GLIS1: variants seen among roughly 807,000 people sequenced by gnomAD.
The protein encoded by GLIS1 is GLIS family zinc finger 1.
In GLIS1, 24 loss-of-function variants were observed where a neutral mutation model predicts 63.8. That is an observed-to-expected ratio of 0.38 (90% CI 0.27 to 0.53). GLIS1 has a LOEUF of 0.53. Among genes scored for constraint, GLIS1 ranks in the 20% least tolerant of loss-of-function variants. The pLI, the probability that GLIS1 is intolerant of heterozygous loss-of-function variation, is 0.85. For missense variants in GLIS1, 1,036 were observed against 1,074.1 expected (o/e 0.96, Z 0.50); for synonymous variants, 450 against 482.5 (o/e 0.93, Z 0.88).
intron 4 of GLIS1, among the ~76,000 whole-genome samples, chr1:53,584,038 G>A (rs1645110783): frequency 6.6e-6 from 1 of 152,196 alleles, no homozygotes; most frequent in South Asian, 2.1e-4. Flanking sequence ...AAGACTGGGT[G>A]CATGGTCCGA....
intron 6 of GLIS1, 41 bp from the exon 7 acceptor site, chr1:53,520,807 C>A (rs1355456155): frequency 1.3e-6 from 2 of 1,555,076 alleles, no homozygotes; most frequent in Non-Finnish European, 1.7e-6. Flanking sequence ...TAGTGTGAGA[C>A]CCCTGCCCAC....
rs764762044 is a variant in GLIS1 at position 53,525,743 on chromosome 1, C to T, written c.1483-856G>A. On this transcript the variant is annotated intron_variant, in intron 5 of 10. Coordinates refer to ENST00000628545, the MANE Select transcript of GLIS1 (RefSeq NM_001367484.1). Reference sequence around the variant, plus strand: ...CCCTGGTGCCCTACAGGCCATCTCCCGGCACCGCAGGCCCTACACCTCCCA... The same window carrying T: ...CCCTGGTGCCCTACAGGCCATCTCCTGGCACCGCAGGCCCTACACCTCCCA... Among the ~76,000 whole-genome samples, 9 of 151,908 alleles carry T rather than the reference C, an allele frequency of 5.9e-5. No individual in the cohort carries two copies. The South Asian group carries it at 8.3e-4, about 14-fold the overall frequency.
chr1:53,671,787 C>A (rs1646155434), intron 2 of GLIS1, among the ~76,000 whole-genome samples: 1 of 152,180 alleles, frequency 6.6e-6, no homozygotes, highest in Non-Finnish European at 1.5e-5. Context: ...TAGATTTTTA[C>A]AGATGAGGAA....
chr1:53,671,186 A>G (rs763529935), intron 2 of GLIS1, among the ~76,000 whole-genome samples: 1 of 152,136 alleles, frequency 6.6e-6, no homozygotes, highest in Non-Finnish European at 1.5e-5. Flanking sequence ...GCTGTCAGTG[A>G]AGAAATTTTT....
chr1:53,573,352 G>C (rs560051829), intron 4 of GLIS1, among the ~76,000 whole-genome samples: 1 of 152,104 alleles, frequency 6.6e-6, no homozygotes, highest in South Asian at 2.1e-4. Flanking sequence ...GGACAGTGGC[G>C]GTGGGGGGAG....
chr1:53,574,061 C>G lies in GLIS1; in HGVS notation c.1320+20047G>C. On this transcript the variant is annotated intron_variant, in intron 4 of 10. Transcript: ENST00000628545. The surrounding 1 kb of genome is among the most constrained non-coding windows in gnomAD (Gnocchi z 4.2). ...ACCAACTGCTGCTCCATCCTGCAGCCGGCTCCAGGCACTCAGATGGCAGAA... is the reference window on the plus strand; with the variant it reads ...ACCAACTGCTGCTCCATCCTGCAGCGGGCTCCAGGCACTCAGATGGCAGAA... Among the ~76,000 whole-genome samples the G allele has an allele frequency of 6.6e-6, 1 of 152,306 alleles. No individual in the cohort carries two copies. The highest frequency in any genetic ancestry group is 6.5e-5 in the Admixed American group (1 of 15,302).
At chr1:53,695,074 C>T (rs557724298) in intron 2 of GLIS1, among the ~76,000 whole-genome samples, 3 of 152,040 alleles carry the variant, frequency 2.0e-5, no homozygotes, top group African/African-American at 7.2e-5. Context: ...CCACAGTAGG[C>T]CCGCATCTGT....
chr1:53,650,045 T>C (rs1184809202), intron 2 of GLIS1, among the ~76,000 whole-genome samples: 1 of 152,086 alleles, frequency 6.6e-6, no homozygotes, highest in Admixed American at 6.5e-5. Flanking sequence ...AGAAACAAAA[T>C]TGAGTAAAGT....
Position 53,539,356 on chromosome 1 carries a change from A to G in GLIS1, c.1321-9404T>C, listed in dbSNP as rs943322776. 1.3e-5 allele frequency among the ~76,000 whole-genome samples: 2 copies of G among 151,006 alleles called. No individual in the cohort carries two copies. Among genetic ancestry groups the G allele is most frequent in the African/African-American group, 4.9e-5 (2 of 40,986 alleles). On this transcript the variant is annotated intron_variant, in intron 4 of 10. Transcript: ENST00000628545. The surrounding 1 kb of genome is among the most constrained non-coding windows in gnomAD (Gnocchi z 5.0). ...ACACATACCATATCCCCACATATATACCACATAACACACCCACACATATCA... is the reference window on the plus strand; with the variant it reads ...ACACATACCATATCCCCACATATATGCCACATAACACACCCACACATATCA...
chr1:53,510,167 G>A (rs932406104), intron 8 of GLIS1, 140 bp from the exon 9 acceptor site: 1 of 425,452 alleles, frequency 2.4e-6, no homozygotes, highest in Non-Finnish European at 4.0e-6. Context: ...ATAGTTAGAA[G>A]AGGAGCTTTT....
At chr1:53,658,188 T>C (rs1056936309) in intron 2 of GLIS1, among the ~76,000 whole-genome samples, 1 of 152,214 alleles carries the variant, frequency 6.6e-6, no homozygotes, top group Non-Finnish European at 1.5e-5. Context: ...CCAACTCCTA[T>C]GCATCCTTCA....
At chr1:53,732,121 C>A (rs1002096591) in intron 2 of GLIS1, among the ~76,000 whole-genome samples, 1 of 152,258 alleles carries the variant, frequency 6.6e-6, no homozygotes, top group Non-Finnish European at 1.5e-5. Flanking sequence ...GGTCTCTTCT[C>A]AGCGCATCTG....
At position 53,506,256 on chromosome 1, in the gene GLIS1, T is replaced by A. The variant is rs1254906697; in HGVS notation, c.*363A>T. 8.4e-6 allele frequency: 2 copies of A among 238,160 alleles called. No individual in the cohort carries two copies. Among genetic ancestry groups the A allele is most frequent in the Admixed American group, 1.0e-4 (2 of 19,870 alleles). The allele number at this position is 238,160 out of a possible 1,614,324, so 14.8% of individuals were successfully genotyped here. ...TTCACATCTCCTTTCCAGTTTTTAA[T>A]GTTTTTTCTTGTAAAACCAAAAATA... On this transcript the variant is annotated 3_prime_UTR_variant, in exon 11 of 11. Transcript: ENST00000628545.
At chr1:53,575,923 G>A (rs1358735352) in intron 4 of GLIS1, among the ~76,000 whole-genome samples, 1 of 152,034 alleles carries the variant, frequency 6.6e-6, no homozygotes, top group East Asian at 1.9e-4. Context: ...CAGTGGGCAC[G>A]AACAACCAAA....
chr1:53,677,082 T>A (rs1171046629), intron 2 of GLIS1, among the ~76,000 whole-genome samples: 1 of 152,180 alleles, frequency 6.6e-6, no homozygotes, highest in Non-Finnish European at 1.5e-5. Context: ...CAAGCTCTCC[T>A]TCCCCTGTCC....
At chr1:53,635,124 A>C (rs932167114) in intron 2 of GLIS1, among the ~76,000 whole-genome samples, 9 of 152,052 alleles carry the variant, frequency 5.9e-5, no homozygotes, top group Non-Finnish European at 8.8e-5. Flanking sequence ...GGGATGATCC[A>C]GGAGAGGGGC....
intron 2 of GLIS1, among the ~76,000 whole-genome samples, chr1:53,677,205 T>C (rs1646222764): frequency 6.6e-6 from 1 of 150,800 alleles, no homozygotes. Flanking sequence ...GTGTGTAGAT[T>C]AGTTATAATG....
chr1:53,672,903 C>T (rs1646168313), intron 2 of GLIS1, among the ~76,000 whole-genome samples: 1 of 152,236 alleles, frequency 6.6e-6, no homozygotes, highest in South Asian at 2.1e-4. Flanking sequence ...TGTGGCCCTA[C>T]CCTACTCTCT....
intron 4 of GLIS1, among the ~76,000 whole-genome samples, chr1:53,592,510 G>A (rs1438057856): frequency 6.6e-6 from 1 of 152,196 alleles, no homozygotes; most frequent in African/African-American, 2.4e-5. Flanking sequence ...GGGTCTCGGG[G>A]AGATATGGGG....
Sources: gnomAD v4.1 joint callset for allele counts (sites outside exome capture counted in the v4.1 genomes callset) on GRCh38, gnomAD v4.1.1 for gene constraint, Gnocchi (gnomAD v3.1) non-coding constraint, MANE v1.5 for transcripts, NCBI Gene and HGNC (gene_info 2026-07-23, HGNC 2026-07-21) for gene names.